NTM: variants seen among roughly 807,000 people sequenced by gnomAD.
NTM encodes the protein neurotrimin.
Under a neutral mutation model 42.1 loss-of-function variants are expected in NTM, and 13 were observed. The observed-to-expected ratio is 0.31, with a 90% CI of 0.20 to 0.49. NTM has a LOEUF of 0.49. Among genes scored for constraint, NTM ranks in the 20% least tolerant of loss-of-function variants. NTM has a pLI of 0.99. For synonymous variants in NTM, 187 were observed against 179.2 expected, an observed-to-expected ratio of 1.04 and a Z score of -0.35; for missense variants, 373 against 452.8, an observed-to-expected ratio of 0.82 and a Z score of 1.60.
chr11:131,478,108 C>G (rs1453015093), intron 1 of NTM, among the ~76,000 whole-genome samples: 1 of 152,164 alleles, frequency 6.6e-6, no homozygotes, highest in African/African-American at 2.4e-5. Context: ...GTAAAATAAT[C>G]TTTCAGGGCA....
intron 1 of NTM, chr11:131,660,189 G>T (rs2472253): frequency 5.0e-4 from 127 of 251,642 alleles, no homozygotes; most frequent in Non-Finnish European, 7.8e-4. Context: ...GTAGGACTCG[G>T]GTGGGCCAGT....
chr11:131,559,871 G>T (rs1259002596), intron 1 of NTM, among the ~76,000 whole-genome samples: 2 of 152,102 alleles, frequency 1.3e-5, no homozygotes, highest in Non-Finnish European at 2.9e-5. Context: ...CATCCCTTCT[G>T]CTGTCATCCC....
intron 1 of NTM, among the ~76,000 whole-genome samples, chr11:131,901,069 C>A (rs1384096726): frequency 6.6e-6 from 1 of 152,196 alleles, no homozygotes; most frequent in East Asian, 1.9e-4. Context: ...CAGTAGCAAC[C>A]ATTTGTGGAG....
chr11:131,676,379 C>G (rs1052685736), intron 1 of NTM, among the ~76,000 whole-genome samples: 1 of 152,196 alleles, frequency 6.6e-6, no homozygotes, highest in Non-Finnish European at 1.5e-5. Context: ...AGGGTCTAAG[C>G]TACCCAAAGA....
intron 1 of NTM, chr11:131,911,026 C>G: frequency 9.7e-7 from 1 of 1,029,862 alleles, no homozygotes; most frequent in South Asian, 3.9e-5. Flanking sequence ...TTGGATGTCC[C>G]CCGTTCGAAC....
intron 1 of NTM, among the ~76,000 whole-genome samples, chr11:131,379,525 C>T (rs769241434): frequency 6.6e-6 from 1 of 152,154 alleles, no homozygotes; most frequent in Non-Finnish European, 1.5e-5. Context: ...ATTGAATCAA[C>T]CTCTGTACAA....
intron 1 of NTM, among the ~76,000 whole-genome samples, chr11:131,851,234 TATCATAGAGCAGTAGCATCCTTAGA>T (rs1230575320): frequency 6.6e-6 from 1 of 152,048 alleles, no homozygotes; most frequent in East Asian, 1.9e-4. Flanking sequence ...AAATCTTTGG[TATCATAGAGCAGTAGCATCCTTAGA>T]ATCATAGAGC....
chr11:131,711,123 G>A (rs2077078992), intron 1 of NTM, among the ~76,000 whole-genome samples: 1 of 152,134 alleles, frequency 6.6e-6, no homozygotes. Context: ...AGACAAAATT[G>A]ACAAATGGGA....
At chr11:131,825,963 G>T (rs1296390056) in intron 1 of NTM, among the ~76,000 whole-genome samples, 5 of 152,120 alleles carry the variant, frequency 3.3e-5, no homozygotes, top group Non-Finnish European at 5.9e-5. Flanking sequence ...TATAAATTTG[G>T]AGATTATTGT....
intron 1 of NTM, among the ~76,000 whole-genome samples, chr11:131,523,897 G>C (rs1208691591): frequency 6.6e-6 from 1 of 152,142 alleles, no homozygotes; most frequent in African/African-American, 2.4e-5. Flanking sequence ...AGAGAAATGG[G>C]GTGGGTGGGG....
intron 1 of NTM, among the ~76,000 whole-genome samples, chr11:131,529,694 T>C (rs2050974766): frequency 6.6e-6 from 1 of 152,048 alleles, no homozygotes; most frequent in South Asian, 2.1e-4. Flanking sequence ...TAGGAAGTGA[T>C]TAAGAGAAAA....
At chr11:132,125,353 A>C (rs1276737220) in intron 2 of NTM, among the ~76,000 whole-genome samples, 6 of 121,418 alleles carry the variant, frequency 4.9e-5, no homozygotes, top group Non-Finnish European at 1.7e-5. Flanking sequence ...GTGATTGTGT[A>C]GTGTGTAGTG....
intron 1 of NTM, among the ~76,000 whole-genome samples, chr11:131,784,802 G>A (rs926011685): frequency 6.6e-6 from 1 of 152,206 alleles, no homozygotes; most frequent in Non-Finnish European, 1.5e-5. Flanking sequence ...GTTCACAATC[G>A]TTCTAAATCT....
chr11:131,622,745 T>C (rs78110666), intron 1 of NTM, among the ~76,000 whole-genome samples: 2,691 of 152,264 alleles, frequency 0.018, 79 homozygotes, highest in African/African-American at 0.062. Context: ...AGTAGAGATG[T>C]GTCCTGATGT....
intron 1 of NTM, among the ~76,000 whole-genome samples, chr11:131,902,151 T>C (rs1025929235): frequency 3.9e-5 from 6 of 152,196 alleles, no homozygotes; most frequent in African/African-American, 1.4e-4. Flanking sequence ...TATTATTTCT[T>C]TGTAAGAGTC....
intron 1 of NTM, among the ~76,000 whole-genome samples, chr11:131,450,055 G>T (rs1950368009): frequency 6.6e-6 from 1 of 152,216 alleles, no homozygotes; most frequent in African/African-American, 2.4e-5. Flanking sequence ...CACAGCTGGA[G>T]TTATAACGAT....
intron 2 of NTM, among the ~76,000 whole-genome samples, chr11:132,109,409 G>T (rs909682824): frequency 6.6e-6 from 1 of 152,142 alleles, no homozygotes; most frequent in East Asian, 1.9e-4. Flanking sequence ...CCATAAACCG[G>T]GCAGTGGGGC....
At chr11:131,559,973 T>C (rs2056009996) in intron 1 of NTM, among the ~76,000 whole-genome samples, 1 of 152,196 alleles carries the variant, frequency 6.6e-6, no homozygotes, top group Admixed American at 6.5e-5. Context: ...ACTGTCTGCC[T>C]CAACCAGCTA....
intron 2 of NTM, among the ~76,000 whole-genome samples, chr11:131,998,756 A>G (rs3911910): frequency 0.33 from 49,614 of 151,860 alleles, 10,489 homozygotes; most frequent in African/African-American, 0.6. Flanking sequence ...TTGCCTTGGT[A>G]TATCTGTTAT....
Sources: gnomAD v4.1 joint callset for allele counts (sites outside exome capture counted in the v4.1 genomes callset) on GRCh38, gnomAD v4.1.1 for gene constraint, MANE v1.5 for transcripts, NCBI Gene and HGNC (gene_info 2026-07-23, HGNC 2026-07-21) for gene names.